Variants in SLC24A2 observed in about 807,000 individuals in gnomAD.
SLC24A2 encodes sodium/potassium/calcium exchanger 2.
Under a neutral mutation model 62.0 loss-of-function variants are expected in SLC24A2, and 36 were observed. The observed-to-expected ratio is 0.58, with a 90% confidence interval of 0.44 to 0.77. The LOEUF (loss-of-function observed/expected upper bound fraction) is 0.77. SLC24A2 is among the 30% of genes least tolerant of loss of function. SLC24A2 has a pLI of 0.00. For missense variants in SLC24A2, 846 were observed against 817.9 expected (o/e 1.03, Z -0.42); for synonymous variants, 358 against 294.0 (o/e 1.22, Z -2.23).
chr9:20,274,366 T>G, the SLC24A2 span, among the ~76,000 whole-genome samples: 1 of 152,176 alleles, frequency 6.6e-6, no homozygotes, highest in Non-Finnish European at 1.5e-5. Context: ...TTAGCTCGCA[T>G]GAAGGACTTT....
At position 19,618,294 on chromosome 9, in the gene SLC24A2, C is replaced by T. The variant is rs148115124; in HGVS notation, c.1078+1290G>A. On this transcript the variant is annotated intron_variant, in intron 4 of 10. Coordinates refer to ENST00000341998, the MANE Select transcript of SLC24A2 (RefSeq NM_020344.4). The stretch of plus-strand genomic sequence containing the variant: ...AGGGGAAAGAAAAGAAGGCTCATGA[C>T]CAGGTCTAACATCCTTGTCAAATGG... 2.0e-5 allele frequency among the ~76,000 whole-genome samples: 3 copies of T among 152,248 alleles called. No individual in the cohort carries two copies. The South Asian group carries it at 6.2e-4, about 32-fold the overall frequency.
intron 2 of SLC24A2, among the ~76,000 whole-genome samples, chr9:19,664,408 AG>A (rs1819189559): frequency 6.6e-6 from 1 of 152,224 alleles, no homozygotes. Context: ...AGGCGCTGTG[AG>A]GAACACATGA....
chr9:19,991,035 C>CACAT, the SLC24A2 span, among the ~76,000 whole-genome samples: 497 of 147,008 alleles, frequency 3.4e-3, 3 homozygotes, highest in Middle Eastern at 7.0e-3. Flanking sequence ...CATATATACA[C>CACAT]ACATACATAC....
chr9:20,023,507 T>C, the SLC24A2 span, among the ~76,000 whole-genome samples: 1 of 152,186 alleles, frequency 6.6e-6, no homozygotes, highest in East Asian at 1.9e-4. Context: ...ACCTCAGATT[T>C]CACTTAGTCT....
the SLC24A2 span, among the ~76,000 whole-genome samples, chr9:19,884,919 C>T: frequency 6.6e-6 from 1 of 152,156 alleles, no homozygotes; most frequent in Non-Finnish European, 1.5e-5. Context: ...ATTTTTTCAA[C>T]TTACGATGGA....
At chr9:20,114,441 T>TC in the SLC24A2 span, among the ~76,000 whole-genome samples, 1 of 151,986 alleles carries the variant, frequency 6.6e-6, no homozygotes, top group African/African-American at 2.4e-5. Flanking sequence ...TAAAGCAAGG[T>TC]GTGAAAGGAC....
At chr9:19,937,279 G>C in the SLC24A2 span, among the ~76,000 whole-genome samples, 778 of 152,216 alleles carry the variant, frequency 5.1e-3, 12 homozygotes, top group African/African-American at 0.018. Context: ...TTTCTTCCAG[G>C]GGTCTTCCTA....
At chr9:20,249,022 A>G in the SLC24A2 span, among the ~76,000 whole-genome samples, 1 of 152,184 alleles carries the variant, frequency 6.6e-6, no homozygotes, top group East Asian at 1.9e-4. Context: ...CAGGCTGGCC[A>G]AACTTATTCT....
intron 2 of SLC24A2, among the ~76,000 whole-genome samples, chr9:19,762,090 T>A (rs1461172372): frequency 6.6e-6 from 1 of 152,182 alleles, no homozygotes. Flanking sequence ...TAGTTTACAG[T>A]CCCACCAAGA....
chr9:20,085,069 C>G, the SLC24A2 span, among the ~76,000 whole-genome samples: 1 of 152,164 alleles, frequency 6.6e-6, no homozygotes, highest in Non-Finnish European at 1.5e-5. Flanking sequence ...GATCACAGCT[C>G]ACTGCAGCCT....
At chr9:19,776,861 C>T (rs1203689259) in intron 2 of SLC24A2, among the ~76,000 whole-genome samples, 1 of 152,134 alleles carries the variant, frequency 6.6e-6, no homozygotes. Context: ...AAATGACCAG[C>T]TAAAAATCTG....
At chr9:19,794,729 C>G in the SLC24A2 span, among the ~76,000 whole-genome samples, 16 of 152,028 alleles carry the variant, frequency 1.1e-4, no homozygotes, top group African/African-American at 3.9e-4. Context: ...TGAGAGTCCC[C>G]CAGGGTGCTT....
At chr9:19,868,505 T>TA in the SLC24A2 span, among the ~76,000 whole-genome samples, 1 of 152,242 alleles carries the variant, frequency 6.6e-6, no homozygotes, top group Non-Finnish European at 1.5e-5. Flanking sequence ...TCAATTTGAT[T>TA]AATGATGTTG....
At chr9:20,095,294 A>G in the SLC24A2 span, among the ~76,000 whole-genome samples, 5,149 of 152,342 alleles carry the variant, frequency 0.034, 137 homozygotes, top group Non-Finnish European at 0.048. Context: ...TGTAAACAAA[A>G]GTTATTTGGA....
the SLC24A2 span, among the ~76,000 whole-genome samples, chr9:20,050,538 C>A: frequency 3.2e-4 from 48 of 152,182 alleles, no homozygotes; most frequent in Non-Finnish European, 6.2e-4. Context: ...ATAGAGACCT[C>A]ATGCTTATTA....
chr9:19,746,676 G>GT (rs1359945394), intron 2 of SLC24A2, among the ~76,000 whole-genome samples: 2 of 152,030 alleles, frequency 1.3e-5, no homozygotes, highest in Non-Finnish European at 2.9e-5. Context: ...GTCCTCACTT[G>GT]TTTATCTCCC....
chr9:20,254,830 C>A, the SLC24A2 span, among the ~76,000 whole-genome samples: 1 of 152,178 alleles, frequency 6.6e-6, no homozygotes, highest in Non-Finnish European at 1.5e-5. Flanking sequence ...CACAATTACA[C>A]ATGGCTGGGG....
chr9:19,962,452 G>C, the SLC24A2 span, among the ~76,000 whole-genome samples: 6 of 152,114 alleles, frequency 3.9e-5, no homozygotes, highest in Non-Finnish European at 8.8e-5. Context: ...ATTACCTTGG[G>C]CAATATGGCC....
chr9:19,625,381 A>G (rs979893476), intron 2 of SLC24A2, among the ~76,000 whole-genome samples: 1 of 152,228 alleles, frequency 6.6e-6, no homozygotes, highest in African/African-American at 2.4e-5. Context: ...GCCAATCTAT[A>G]GTACACACAC....
Sources: allele counts gnomAD v4.1 joint callset (sites outside exome capture counted in the v4.1 genomes callset), GRCh38; gene constraint gnomAD v4.1.1; transcripts MANE v1.5; gene names NCBI Gene and HGNC (gene_info 2026-07-23, HGNC 2026-07-21).